PLXNB3: variants seen among roughly 807,000 people sequenced by gnomAD.
PLXNB3 encodes the protein plexin-B3.
In PLXNB3, 80 loss-of-function variants were observed where a neutral mutation model predicts 125.7. The ratio of observed to expected loss-of-function variants is 0.64; its 90% CI spans 0.53 to 0.77. The LOEUF (loss-of-function observed/expected upper bound fraction) is 0.77. PLXNB3 is among the 30% of genes least tolerant of loss of function. The pLI, the probability that PLXNB3 is intolerant of heterozygous loss-of-function variation, is 0.00. For synonymous variants in PLXNB3, 954 were observed against 783.3 expected, an observed-to-expected ratio of 1.22 and a Z score of -3.64; for missense variants, 1,836 against 1,729.3, an observed-to-expected ratio of 1.06 and a Z score of -1.09.
intron 3 of PLXNB3, 129 bp from the exon 4 acceptor site, chrX:153,768,120 G>A (rs782290778): frequency 9.6e-6 from 8 of 833,020 alleles, no homozygotes; most frequent in African/African-American, 6.1e-5. Flanking sequence ...CTGGCCCTTC[G>A]GCCCTGATTG....
At position 153,770,372 on chromosome X, in the gene PLXNB3, G is replaced by C; in HGVS notation, c.1821G>C (p.Glu607Asp). 3 of 1,210,801 alleles carry C rather than the reference G, an allele frequency of 2.5e-6. No individual in the cohort carries two copies. The highest frequency in any genetic ancestry group is 3.4e-6 in the Non-Finnish European group (3 of 895,056). Residue 607 changes from glutamate to aspartate, a missense_variant, in exon 9 of 36, where the codon GAG becomes GAC. By Grantham distance (45) the Glu-to-Asp change is conservative (BLOSUM62 2). Transcript: ENST00000361971. Reference sequence around the variant, plus strand: ...CTGTGCCCCTGGCCCTGATGTTCGAGGACGTGACTGTGGCTGCCACCAACT... The same window carrying C: ...CTGTGCCCCTGGCCCTGATGTTCGACGACGTGACTGTGGCTGCCACCAACT... The part of the protein sequence containing the change: ...HVTVPLALMF[E>D]DVTVAATNFS...
In PLXNB3 at chrX:153,773,244, G is replaced by C; in HGVS notation, c.2921G>C (p.Cys974Ser). 1 of 1,208,055 alleles carries C rather than the reference G, an allele frequency of 8.3e-7. No individual in the cohort carries two copies. Among genetic ancestry groups the C allele is most frequent in the South Asian group, 1.8e-5 (1 of 56,486 alleles). ...CCATCCTGCAGCCTGGAGCCAGTGT[G>C]TCCGGAGGCCATCGTGTGCCGTACC... ...GQPCPILEPV[C>S]PEAIVCRTRP... The change falls in exon 18 of 36, where the codon TGT becomes TCT. Residue 974 changes from cysteine to serine, a missense_variant. Transcript: ENST00000361971.
chrX:153,768,489 C>T (rs1476001432), intron 4 of PLXNB3, 61 bp downstream of exon 4: 2 of 1,025,861 alleles, frequency 1.9e-6, no homozygotes, highest in East Asian at 3.3e-5. Flanking sequence ...CTCAGGAAAG[C>T]CCCCAGCAAC....
rs938154684 is a variant in PLXNB3, at chrX:153,774,581, G to A, written c.3830+10G>A. 20 of 1,184,869 alleles carry A rather than the reference G, an allele frequency of 1.7e-5. No individual in the cohort carries two copies. Among genetic ancestry groups the A allele is most frequent in the African/African-American group, 5.3e-5 (3 of 57,059 alleles). ...TCACCCTCATGTACAGGTGAGACCC[G>A]CCCACCCCCAGCACACTTCCCTCCT... On this transcript the variant is annotated intron_variant, in intron 22 of 35. Transcript: ENST00000361971.
At chrX:153,765,188 C>A (rs782373384) in intron 1 of PLXNB3, among the ~76,000 whole-genome samples, 15 of 113,028 alleles carry the variant, frequency 1.3e-4, no homozygotes, top group African/African-American at 4.2e-4. Flanking sequence ...GTCCCCGGAT[C>A]CCGGGGGTGG....
Position 153,770,348 on chromosome X carries a change from T to C in PLXNB3, c.1797T>C (p.Thr599=), listed in dbSNP as rs1430167143. The C allele has an allele frequency of 2.5e-6, 3 of 1,207,770 alleles. No individual in the cohort carries two copies. Among genetic ancestry groups the C allele is most frequent in the African/African-American group, 3.5e-5 (2 of 57,339 alleles). The change falls in exon 9 of 36, where the codon ACT becomes ACC. Residue 599 remains threonine (T), a synonymous_variant. Coordinates refer to ENST00000361971, the MANE Select transcript of PLXNB3 (RefSeq NM_005393.3). ...PLNPPGTDHV[T]VPLALMFEDV... ...ACTGTCCCCTCCCAGACCACGTCACTGTGCCCCTGGCCCTGATGTTCGAGG... is the reference window on the plus strand; with the variant it reads ...ACTGTCCCCTCCCAGACCACGTCACCGTGCCCCTGGCCCTGATGTTCGAGG...
chrX:153,770,661 C>T lies in PLXNB3; in HGVS notation c.2010+19C>T, dbSNP rs782210478. The T allele has an allele frequency of 8.9e-5, 107 of 1,207,021 alleles. No homozygotes were observed. In the South Asian group the frequency reaches 1.2e-3, roughly 14 times the overall value. The stretch of plus-strand genomic sequence containing the variant: ...CCAGGAGGTGGGTGGGCCCGAACTT[C>T]GGGCAGAGACAGGGCTGTCCCTTCT... On this transcript the variant is annotated intron_variant, in intron 10 of 35. Transcript: ENST00000361971.
At chrX:153,766,751 C>G in intron 2 of PLXNB3, 122 bp from the exon 3 acceptor site, 1 of 1,080,213 alleles carries the variant, frequency 9.3e-7, no homozygotes, top group South Asian at 2.4e-5. Context: ...CATTCTCCAT[C>G]TCTCTGCCTC....
Position 153,769,204 on chromosome X carries a change from T to A in PLXNB3, c.1438T>A (p.Cys480Ser). ...PVAACPQFPD[C>S]ASCLQAQDPL... ...GGCAGCCTGCCCCCAGTTCCCTGAC[T>A]GTGCCAGCTGCCTCCAGGCCCAGGA... Residue 480 changes from cysteine (C) to serine (S), a missense_variant, in exon 6 of 36, where the codon TGT (cysteine) becomes AGT (serine). Coordinates refer to ENST00000361971, the MANE Select transcript of PLXNB3 (RefSeq NM_005393.3). 1 of 1,181,613 alleles carries A rather than the reference T, an allele frequency of 8.5e-7. No homozygotes were observed. The highest frequency in any genetic ancestry group is 1.7e-5 in the African/African-American group (1 of 57,194).
In PLXNB3 at chrX:153,771,415, G is replaced by A. The variant is rs1236607482; in HGVS notation, c.2347+12G>A. On this transcript the variant is annotated intron_variant, in intron 13 of 35. Coordinates refer to ENST00000361971, the MANE Select transcript of PLXNB3 (RefSeq NM_005393.3). ...CCATGCTCTTTATGGTGAGCCTGAG[G>A]GCAGCCAGGCAGGCGGGGCAGGGTG... is the stretch of plus-strand genomic sequence containing the variant. The A allele has an allele frequency of 9.1e-6, 11 of 1,204,280 alleles. No homozygotes were observed. The East Asian group carries it at 2.1e-4, about 23-fold the overall frequency.
intron 28 of PLXNB3, 36 bp from the exon 29 acceptor site, chrX:153,776,851 G>T (rs1557064547): frequency 1.0e-6 from 1 of 1,003,811 alleles, no homozygotes; most frequent in South Asian, 2.2e-5. Context: ...CGCCTGGCTA[G>T]GGGTCAGCAC....
At chrX:153,778,763 G>A in intron 35 of PLXNB3, 89 bp downstream of exon 35, 2 of 1,125,019 alleles carry the variant, frequency 1.8e-6, no homozygotes, top group Non-Finnish European at 2.4e-6. Flanking sequence ...AGCCCATGCT[G>A]GCGGGGCCCA....
At chrX:153,775,472 G>C (rs1557063752) in intron 25 of PLXNB3, 69 bp downstream of exon 25, 4 of 1,168,884 alleles carry the variant, frequency 3.4e-6, no homozygotes, top group Non-Finnish European at 4.6e-6. Flanking sequence ...TCGCACCCTG[G>C]GCGGGCTCTG....
At chrX:153,764,755 T>G (rs782817606) in intron 1 of PLXNB3, among the ~76,000 whole-genome samples, 1 of 112,764 alleles carries the variant, frequency 8.9e-6, no homozygotes, top group South Asian at 3.6e-4. Context: ...GGGGTCTAGC[T>G]GCTAGGTGCC....
chrX:153,778,823 GGCA>G, intron 35 of PLXNB3, 109 bp from the exon 36 acceptor site: 5 of 1,111,063 alleles, frequency 4.5e-6, no homozygotes, highest in Non-Finnish European at 5.9e-6. Context: ...GGAGACGCCA[GGCA>G]GCCCCTGCTG....
chrX:153,774,850 C>T (rs374015125), intron 23 of PLXNB3, 30 bp from the exon 24 acceptor site: 131 of 1,207,509 alleles, frequency 1.1e-4, no homozygotes, highest in Middle Eastern at 2.3e-4. Flanking sequence ...GAGGCCTGAA[C>T]TCACACCTCG....
intron 28 of PLXNB3, 38 bp downstream of exon 28, chrX:153,776,497 G>A (rs1460454053): frequency 6.8e-6 from 3 of 443,997 alleles, no homozygotes; most frequent in Non-Finnish European, 1.1e-5. Context: ...GCGGGGCTGG[G>A]GCGGGGCAGG....
At position 153,767,200 on chromosome X, in the gene PLXNB3, C is replaced by T. The variant is rs1398924090; in HGVS notation, c.373C>T (p.Arg125Cys). The change falls in exon 3 of 36, where the codon CGC becomes TGC. Residue 125 changes from arginine (R) to cysteine (C), a missense_variant. Coordinates refer to ENST00000361971, the MANE Select transcript of PLXNB3 (RefSeq NM_005393.3). ...CAACCAGCTGCTGCTGGTGAGCAGC[C>T]GCGCCCAGGAGCTGGTGGCCTGCGG... ...NANQLLLVSS[R>C]AQELVACGQV... 5 of 1,203,736 alleles carry T rather than the reference C, an allele frequency of 4.2e-6. No individual in the cohort carries two copies. Among genetic ancestry groups the T allele is most frequent in the Non-Finnish European group, 4.5e-6 (4 of 892,074 alleles).
At chrX:153,771,724 G>T in intron 14 of PLXNB3, 69 bp downstream of exon 14, 1 of 1,126,178 alleles carries the variant, frequency 8.9e-7, no homozygotes, top group Non-Finnish European at 1.2e-6. Context: ...CCTGTCCTCC[G>T]TGATCAGACC....
Sources: allele counts gnomAD v4.1 joint callset (sites outside exome capture counted in the v4.1 genomes callset), GRCh38; gene constraint gnomAD v4.1.1; transcripts MANE v1.5; gene names NCBI Gene and HGNC (gene_info 2026-07-23, HGNC 2026-07-21).